Variants in CERS1 observed in about 807,000 individuals in gnomAD.
CERS1 encodes ceramide synthase 1, also known as Embryonic growth/differentiation factor 1.
In CERS1, 16 loss-of-function variants were observed where a neutral mutation model predicts 35.7. The ratio of observed to expected loss-of-function variants is 0.45; its 90% CI spans 0.30 to 0.68. CERS1 has a LOEUF of 0.68. Among genes scored for constraint, CERS1 ranks in the 30% least tolerant of loss-of-function variants. CERS1 has a pLI of 0.08. For missense variants in CERS1, 454 were observed against 453.9 expected (o/e 1.00, Z 0.00); for synonymous variants, 243 against 201.6 (o/e 1.21, Z -1.74).
chr19:18,889,380 G>T (rs1482660853), intron 2 of CERS1, among the ~76,000 whole-genome samples: 2 of 151,974 alleles, frequency 1.3e-5, no homozygotes. Flanking sequence ...CCACAGGATA[G>T]GGGGGAAGTC....
chr19:18,884,320 G>A (rs1223764097), intron 2 of CERS1, 53 bp from the exon 3 acceptor site: 10 of 1,526,426 alleles, frequency 6.6e-6, no homozygotes, highest in Non-Finnish European at 8.8e-6. Context: ...CTAGACGATC[G>A]CCTCCATGAC....
At chr19:18,871,815 T>A (rs2055975607) in intron 6 of CERS1, among the ~76,000 whole-genome samples, 1 of 152,240 alleles carries the variant, frequency 6.6e-6, no homozygotes, top group South Asian at 2.1e-4. Flanking sequence ...ATTTTGCCTG[T>A]GATCCTTGAG....
intron 6 of CERS1, among the ~76,000 whole-genome samples, chr19:18,877,217 C>CTCTT (rs2056074624): frequency 6.6e-6 from 1 of 152,238 alleles, no homozygotes; most frequent in Non-Finnish European, 1.5e-5. Flanking sequence ...GACATGCCAG[C>CTCTT]TCTTACCCTG....
At chr19:18,893,104 G>A (rs1219581831) in intron 2 of CERS1, among the ~76,000 whole-genome samples, 3 of 151,970 alleles carry the variant, frequency 2.0e-5, no homozygotes, top group Non-Finnish European at 4.4e-5. Flanking sequence ...TAGTAGAGAC[G>A]GGGTTTCACC....
At chr19:18,875,219 G>C (rs2056039218) in intron 6 of CERS1, among the ~76,000 whole-genome samples, 1 of 150,690 alleles carries the variant, frequency 6.6e-6, no homozygotes, top group Non-Finnish European at 1.5e-5. Flanking sequence ...GTGGGCGACA[G>C]AGTGGGACCG....
intron 2 of CERS1, among the ~76,000 whole-genome samples, chr19:18,890,631 A>G (rs1472688603): frequency 1.3e-5 from 2 of 151,456 alleles, no homozygotes; most frequent in African/African-American, 4.9e-5. Flanking sequence ...ACACAAAAAA[A>G]TTCGCTGGGG....
rs1568302724 is a variant in CERS1 at position 18,885,520 on chromosome 19, T to TTTTG, written c.410-1254_410-1253insCAAA. ...CCCAGCGCCCCTTCTCGTTTTTTTT[T>TTTTG]TTTTTTTTTTTTTTTTTGAGATGGA... is the stretch of plus-strand genomic sequence containing the variant. On this transcript the variant is annotated intron_variant, in intron 2 of 7. Coordinates refer to ENST00000623882, the MANE Select transcript of CERS1 (RefSeq NM_021267.5). Among the ~76,000 whole-genome samples, 23 of 144,742 alleles carry TTTTG rather than the reference T, an allele frequency of 1.6e-4. 2 individuals carry two copies. Among genetic ancestry groups the TTTTG allele is most frequent in the African/African-American group, 1.8e-4 (7 of 38,554 alleles). 95.0% of individuals were successfully genotyped at this position (144,742 alleles called of 152,430 possible). A position where few individuals can be genotyped will look rare whatever the true frequency, so the allele number is the denominator to read the frequency against.
Position 18,884,078 on chromosome 19 carries a change from T to C in CERS1, c.590+9A>G, listed in dbSNP as rs200695801. Reference sequence around the variant, plus strand: ...GCCTCGGCCCCCTGCCACCCGATCCTGTCCTTACCGGAAGGCGTAGGAGGA... The same window carrying C: ...GCCTCGGCCCCCTGCCACCCGATCCCGTCCTTACCGGAAGGCGTAGGAGGA... On this transcript the variant is annotated intron_variant, in intron 3 of 7. Transcript: ENST00000623882. The C allele has an allele frequency of 7.1e-5, 115 of 1,610,132 alleles. No homozygotes were observed. In the East Asian group the frequency reaches 2.6e-3, roughly 36 times the overall value.
In CERS1 at chr19:18,868,626, T is replaced by C. The variant is rs777860096; in HGVS notation, c.*1359A>G. On this transcript the variant is annotated 3_prime_UTR_variant, in exon 8 of 8. Transcript: ENST00000623882. ...CGGCAGCCGCACTCGTCCACCACCA[T>C]GTCCTCATACTGCCGCAGCACCACG... 6 of 1,572,256 alleles carry C rather than the reference T, an allele frequency of 3.8e-6. No homozygotes were observed. Among genetic ancestry groups the C allele is most frequent in the Non-Finnish European group, 4.3e-6 (5 of 1,159,014 alleles).
In CERS1 at chr19:18,878,375, C is replaced by T; in HGVS notation, c.1010+555G>A. 1 of 986,982 alleles carries T rather than the reference C, an allele frequency of 1.0e-6. No homozygotes were observed. Among genetic ancestry groups the T allele is most frequent in the Non-Finnish European group, 1.2e-6 (1 of 831,110 alleles). 61.1% of individuals were successfully genotyped at this position (986,982 alleles called of 1,614,324 possible). ...GCTGGTGAGGCTCGTGGGCTATCTC[C>T]TTCCCCAGGACTCCCACCTGGGCTG... is the stretch of plus-strand genomic sequence containing the variant. On this transcript the variant is annotated intron_variant, in intron 6 of 7. Coordinates refer to ENST00000623882, the MANE Select transcript of CERS1 (RefSeq NM_021267.5). This position sits in a 1 kb window ranked among gnomAD's most constrained non-coding sequence, Gnocchi z 4.6.
At chr19:18,893,641 G>A in intron 1 of CERS1, 66 bp from the exon 2 acceptor site, 1 of 1,490,850 alleles carries the variant, frequency 6.7e-7, no homozygotes, top group Non-Finnish European at 9.1e-7. Flanking sequence ...CTTTGGGGTG[G>A]GGAAACTGAG....
At position 18,868,662 on chromosome 19, in the gene CERS1, TGTC is replaced by T; in HGVS notation, c.*1320_*1322del. ...TGCCGCAGCACCACGTTGTCGCTGT[TGTC>T]AAAGAAGAGCACGGAGATGGGCGAC... On this transcript the variant is annotated 3_prime_UTR_variant, in exon 8 of 8. Transcript: ENST00000623882. 1 of 1,575,212 alleles carries T rather than the reference TGTC, an allele frequency of 6.3e-7. No individual in the cohort carries two copies. Among genetic ancestry groups the T allele is most frequent in the Non-Finnish European group, 8.6e-7 (1 of 1,160,420 alleles).
chr19:18,895,938 C>A lies in CERS1; in HGVS notation c.135G>T (p.Ala45=). 1 of 1,186,078 alleles carries A rather than the reference C, an allele frequency of 8.4e-7. No homozygotes were observed. The highest frequency in any genetic ancestry group is 2.5e-5 in the South Asian group (1 of 39,556). The allele number at this position is 1,186,078 out of a possible 1,614,324, so 73.5% of individuals were successfully genotyped here. ...GCGCGTGCTCAGCCAGGCCGCGACG[C>A]GCCAGCCCCCAGCCGCAGTCCGTGC... is the stretch of plus-strand genomic sequence containing the variant. The part of the protein sequence containing the change: ...RGCTDCGWGL[A]RRGLAEHAHL... The change falls in exon 1 of 8, where the codon GCG becomes GCT. Residue 45 remains alanine (A), a synonymous_variant. Coordinates refer to ENST00000623882, the MANE Select transcript of CERS1 (RefSeq NM_021267.5). This position sits in a 1 kb window ranked among gnomAD's most constrained non-coding sequence, Gnocchi z 6.4.
intron 7 of CERS1, among the ~76,000 whole-genome samples, chr19:18,869,705 A>T (rs2055928984): frequency 9.3e-6 from 1 of 107,438 alleles, no homozygotes; most frequent in Admixed American, 1.3e-4. Flanking sequence ...TGGCATCTGC[A>T]GGAAGGCATT....
rs773594278 is a variant in CERS1 at position 18,884,234 on chromosome 19, A to G, written c.443T>C (p.Ile148Thr). 86 of 1,613,132 alleles carry G rather than the reference A, an allele frequency of 5.3e-5. No individual in the cohort carries two copies. Among genetic ancestry groups the G allele is most frequent in the Admixed American group, 1.0e-4 (6 of 59,918 alleles). ...WTPGMAVPRD[I>T]AAAYLLQGSF... ...TCCCTGGAGCAGGTAGGCGGCTGCAATGTCCCGTGGCACTGCCATGCCCGG... is the reference window on the plus strand; with the variant it reads ...TCCCTGGAGCAGGTAGGCGGCTGCAGTGTCCCGTGGCACTGCCATGCCCGG... The change falls in exon 3 of 8, where the codon ATT becomes ACT. Residue 148 changes from isoleucine (I) to threonine (T), a missense_variant. Physicochemically the swap from Ile to Thr is moderately conservative, Grantham distance 89. Coordinates refer to ENST00000623882, the MANE Select transcript of CERS1 (RefSeq NM_021267.5).
intron 2 of CERS1, among the ~76,000 whole-genome samples, chr19:18,891,603 G>C (rs549500081): frequency 1.3e-5 from 2 of 152,058 alleles, no homozygotes; most frequent in East Asian, 3.9e-4. Flanking sequence ...CCCCAGGCAG[G>C]GTCTCGCTCT....
At chr19:18,889,975 A>G (rs573253706) in intron 2 of CERS1, among the ~76,000 whole-genome samples, 12 of 152,032 alleles carry the variant, frequency 7.9e-5, no homozygotes, top group African/African-American at 2.7e-4. Flanking sequence ...CCTCAGCTCA[A>G]TCCTGGTGGG....
chr19:18,880,482 A>T, intron 3 of CERS1, 47 bp from the exon 4 acceptor site: 1 of 1,513,696 alleles, frequency 6.6e-7, no homozygotes, highest in Non-Finnish European at 8.9e-7. Context: ...ACATTGGGGG[A>T]CCTCCACTCT....
At chr19:18,872,998 T>C (rs2056002018) in intron 6 of CERS1, among the ~76,000 whole-genome samples, 1 of 152,156 alleles carries the variant, frequency 6.6e-6, no homozygotes, top group Non-Finnish European at 1.5e-5. Context: ...TCCACCACTG[T>C]GGTGAAAAGA....
Sources: gnomAD v4.1 joint callset for allele counts (sites outside exome capture counted in the v4.1 genomes callset) on GRCh38, gnomAD v4.1.1 for gene constraint, Gnocchi (gnomAD v3.1) non-coding constraint, MANE v1.5 for transcripts, NCBI Gene and HGNC (gene_info 2026-07-23, HGNC 2026-07-21) for gene names.